ESRRG: variants seen among roughly 807,000 people sequenced by gnomAD.
The protein encoded by ESRRG is estrogen-related receptor gamma.
ESRRG carries 13 observed loss-of-function variants against 44.0 expected under a neutral mutation model. The ratio of observed to expected loss-of-function variants is 0.30; its 90% CI spans 0.19 to 0.47. ESRRG has a LOEUF of 0.47. Ranked by LOEUF, ESRRG falls within the 20% of genes least tolerant of loss-of-function variation. The pLI is 1.00. For missense variants in ESRRG, 395 were observed against 580.6 expected (o/e 0.68, Z 3.29); for synonymous variants, 215 against 214.6 (o/e 1.00, Z -0.02).
intron 3 of ESRRG, among the ~76,000 whole-genome samples, chr1:216,595,757 C>A (rs1195981152): frequency 2.0e-5 from 3 of 152,130 alleles, no homozygotes; most frequent in Non-Finnish European, 4.4e-5. Flanking sequence ...GCTTAAACTC[C>A]CTCAAAGACC....
chr1:216,846,628 A>G lies in ESRRG; in HGVS notation c.-14+92954T>C, dbSNP rs544580042. Among the ~76,000 whole-genome samples, 9 of 152,302 alleles carry G rather than the reference A, an allele frequency of 5.9e-5. No individual in the cohort carries two copies. In the Middle Eastern group the frequency reaches 0.01, roughly 173 times the overall value. On this transcript the variant is annotated intron_variant, in intron 2 of 7. Transcript: ENST00000359162. ...CTCTGATTGCTTTCTCAAGATGCAT[A>G]AAAGTGTAATCACTAAGCCAAAGGG...
chr1:216,762,747 C>A (rs955619218), intron 2 of ESRRG, among the ~76,000 whole-genome samples: 1 of 148,238 alleles, frequency 6.7e-6, no homozygotes, highest in African/African-American at 2.5e-5. Flanking sequence ...GAATGAGCAC[C>A]CTGTAGTAAT....
intron 1 of ESRRG, among the ~76,000 whole-genome samples, chr1:216,967,204 G>C (rs1425647221): frequency 6.6e-6 from 1 of 151,960 alleles, no homozygotes; most frequent in East Asian, 1.9e-4. Flanking sequence ...CACCAGAGGG[G>C]TACATTTGCT....
intron 3 of ESRRG, among the ~76,000 whole-genome samples, chr1:216,582,575 T>C (rs1424322444): frequency 6.6e-6 from 1 of 152,040 alleles, no homozygotes; most frequent in Non-Finnish European, 1.5e-5. Flanking sequence ...CAGGTAGCTG[T>C]TATTACAGGA....
intron 3 of ESRRG, among the ~76,000 whole-genome samples, chr1:216,628,888 C>T (rs969716897): frequency 6.6e-6 from 1 of 152,234 alleles, no homozygotes; most frequent in Non-Finnish European, 1.5e-5. Context: ...ATCCATGACC[C>T]TTTGGCCATT....
chr1:216,656,019 C>T (rs955451693), intron 2 of ESRRG, among the ~76,000 whole-genome samples: 2 of 152,150 alleles, frequency 1.3e-5, no homozygotes, highest in African/African-American at 4.8e-5. Context: ...ACATGACTCC[C>T]AGTAGACCAT....
chr1:216,807,224 T>A (rs891144752), intron 2 of ESRRG, among the ~76,000 whole-genome samples: 1 of 152,156 alleles, frequency 6.6e-6, no homozygotes, highest in African/African-American at 2.4e-5. Context: ...TCGAATGGCA[T>A]CCTTTCACCC....
chr1:216,787,400 C>G (rs976775112), intron 2 of ESRRG, among the ~76,000 whole-genome samples: 2 of 151,814 alleles, frequency 1.3e-5, no homozygotes, highest in African/African-American at 4.8e-5. Flanking sequence ...GTCAGGAGTT[C>G]GAGACCAGTC....
At chr1:216,698,281 G>T (rs2080618896) in intron 1 of ESRRG, among the ~76,000 whole-genome samples, 1 of 152,106 alleles carries the variant, frequency 6.6e-6, no homozygotes, top group Admixed American at 6.5e-5. Flanking sequence ...ACTTTGGGAG[G>T]CCGAGGCAGG....
upstream of ESRRG, among the ~76,000 whole-genome samples, chr1:216,726,430 T>A (rs887464257): frequency 6.6e-6 from 1 of 152,218 alleles, no homozygotes; most frequent in Admixed American, 6.5e-5. Context: ...CCCAGATTTT[T>A]CTCACCTTGC....
At chr1:217,131,404 T>C (rs2092963866) in intron 1 of ESRRG, among the ~76,000 whole-genome samples, 2 of 151,902 alleles carry the variant, frequency 1.3e-5, no homozygotes, top group Admixed American at 6.5e-5. Context: ...ATCTCAAGCA[T>C]GTATCTAACT....
intron 1 of ESRRG, among the ~76,000 whole-genome samples, chr1:216,704,748 G>A (rs1260915370): frequency 6.6e-6 from 1 of 151,902 alleles, no homozygotes; most frequent in East Asian, 1.9e-4. Context: ...AATCTATAAT[G>A]TAAAAATTGG....
intron 2 of ESRRG, among the ~76,000 whole-genome samples, chr1:216,885,108 C>T (rs1370650102): frequency 6.6e-6 from 1 of 150,852 alleles, no homozygotes; most frequent in Non-Finnish European, 1.5e-5. Flanking sequence ...GGCTAGATGA[C>T]TTATGGTTCA....
intron 1 of ESRRG, chr1:217,000,179 T>C (rs954339938): frequency 5.9e-5 from 9 of 152,208 alleles, no homozygotes; most frequent in Middle Eastern, 3.2e-3. Context: ...CGAACAGTTA[T>C]TGTATTAGTT....
At chr1:216,836,908 C>T (rs1419516062) in intron 2 of ESRRG, among the ~76,000 whole-genome samples, 2 of 152,040 alleles carry the variant, frequency 1.3e-5, no homozygotes, top group African/African-American at 4.8e-5. Context: ...AGAATAATCC[C>T]AGATAAAACA....
chr1:217,029,904 C>T (rs766949598), intron 1 of ESRRG, among the ~76,000 whole-genome samples: 17 of 152,178 alleles, frequency 1.1e-4, no homozygotes, highest in Admixed American at 3.9e-4. Flanking sequence ...CAATGAAACG[C>T]TCTTTCTTCC....
intron 1 of ESRRG, among the ~76,000 whole-genome samples, chr1:216,974,597 A>T (rs1259035587): frequency 6.6e-6 from 1 of 152,208 alleles, no homozygotes; most frequent in African/African-American, 2.4e-5. Flanking sequence ...AAACAGAAAA[A>T]AATGGGCAGC....
chr1:216,914,942 T>G (rs766563686), intron 2 of ESRRG, among the ~76,000 whole-genome samples: 30 of 152,208 alleles, frequency 2.0e-4, no homozygotes, highest in Non-Finnish European at 3.7e-4. Flanking sequence ...GAGGGATTTG[T>G]TTTTAAGTAC....
chr1:216,786,996 G>T (rs774320983), intron 2 of ESRRG, among the ~76,000 whole-genome samples: 41 of 152,098 alleles, frequency 2.7e-4, no homozygotes, highest in South Asian at 1.0e-3. Context: ...AAGGTTTGTG[G>T]CAACCTTTCA....
Sources: allele counts gnomAD v4.1 joint callset (sites outside exome capture counted in the v4.1 genomes callset), GRCh38; gene constraint gnomAD v4.1.1; transcripts MANE v1.5; gene names NCBI Gene and HGNC (gene_info 2026-07-23, HGNC 2026-07-21).